EBF4: variants seen among roughly 807,000 people sequenced by gnomAD.
EBF4 encodes EBF transcription factor 4, also known as transcription factor COE4.
In EBF4, 34 loss-of-function variants were observed where a neutral mutation model predicts 67.1. That is an observed-to-expected ratio of 0.51 (90% confidence interval 0.39 to 0.67). The LOEUF (loss-of-function observed/expected upper bound fraction) is 0.67. EBF4 is among the 30% of genes least tolerant of loss of function. EBF4 has a pLI of 0.00. For missense variants in EBF4, 837 were observed against 873.3 expected (o/e 0.96, Z 0.52); for synonymous variants, 387 against 377.7 (o/e 1.02, Z -0.29).
intron 6 of EBF4, among the ~76,000 whole-genome samples, chr20:2,715,899 C>T (rs948033993): frequency 3.9e-5 from 6 of 152,100 alleles, no homozygotes; most frequent in Admixed American, 3.9e-4. Flanking sequence ...CAGGCGCACG[C>T]CATCACACCC....
intron 3 of EBF4, 42 bp from the exon 4 acceptor site, chr20:2,706,167 A>G: frequency 6.4e-7 from 1 of 1,551,474 alleles, no homozygotes; most frequent in Non-Finnish European, 8.7e-7. Context: ...GAGGCTGCAC[A>G]TGCTCCCCCA....
rs1340761063 is a variant in EBF4 at position 2,756,512 on chromosome 20, T to A, written c.1738+688T>A. 1.3e-5 allele frequency among the ~76,000 whole-genome samples: 2 copies of A among 152,190 alleles called. No individual in the cohort carries two copies. Among genetic ancestry groups the A allele is most frequent in the Non-Finnish European group, 2.9e-5 (2 of 68,026 alleles). On this transcript the variant is annotated intron_variant, in intron 15 of 16. Transcript: ENST00000609451. The surrounding 1 kb of genome is among the most constrained non-coding windows in gnomAD (Gnocchi z 4.5). ...GTGGGTGGGGCAGAACAGGTCCTTG[T>A]TGATGGGGATGGTGGGGGCCAGGGC... is the stretch of plus-strand genomic sequence containing the variant.
At position 2,756,683 on chromosome 20, in the gene EBF4, C is replaced by T. The variant is rs939061390; in HGVS notation, c.1738+859C>T. ...ATGAATATATGAGTCAGAAGGGCAC[C>T]GTTCACACCCACACAGAAGGCTGCA... On this transcript the variant is annotated intron_variant, in intron 15 of 16. Transcript: ENST00000609451. The surrounding 1 kb of genome is among the most constrained non-coding windows in gnomAD (Gnocchi z 4.5). 3.3e-5 allele frequency among the ~76,000 whole-genome samples: 5 copies of T among 152,272 alleles called. No individual in the cohort carries two copies. The highest frequency in any genetic ancestry group is 2.1e-4 in the South Asian group (1 of 4,824).
rs1568568088 is a variant in EBF4, at chr20:2,705,799, ACACACACACACAC to A, written c.294+67_294+79del. 3.7e-4 allele frequency: 411 copies of A among 1,112,840 alleles called. 1 individual carries two copies. The African/African-American group carries it at 8.9e-3, about 24-fold the overall frequency. The allele number at this position is 1,112,840 out of a possible 1,614,324, so 68.9% of individuals were successfully genotyped here. ...GGAACCCCCAACCACACACACACAC[ACACACACACACAC>A]ACACACACACACACACACACACACA... is the stretch of plus-strand genomic sequence containing the variant. On this transcript the variant is annotated intron_variant, in intron 2 of 16. Coordinates refer to ENST00000609451, the Ensembl canonical transcript of EBF4.
chr20:2,702,763 C>T (rs2087394584), intron 1 of EBF4, among the ~76,000 whole-genome samples: 1 of 152,132 alleles, frequency 6.6e-6, no homozygotes, highest in South Asian at 2.1e-4. Flanking sequence ...TCATGATGGG[C>T]ACCTGGACAA....
At chr20:2,736,972 G>A (rs770391795) in intron 6 of EBF4, among the ~76,000 whole-genome samples, 24 of 152,040 alleles carry the variant, frequency 1.6e-4, no homozygotes, top group South Asian at 1.0e-3. Context: ...GAAGAGGACC[G>A]GGCGCGGTGG....
At chr20:2,698,728 TC>T (rs1447722984) in intron 1 of EBF4, among the ~76,000 whole-genome samples, 1 of 151,938 alleles carries the variant, frequency 6.6e-6, no homozygotes, top group African/African-American at 2.4e-5. Context: ...ACAAAGAGCC[TC>T]CCCCCATTAC....
At chr20:2,706,122 C>A in intron 3 of EBF4, 85 bp downstream of exon 3, 1 of 1,548,922 alleles carries the variant, frequency 6.5e-7, no homozygotes, top group Non-Finnish European at 8.7e-7. Context: ...CCCCCTGTGC[C>A]AGGGCTGGGG....
At position 2,749,628 on chromosome 20, in the gene EBF4, C is replaced by A. The variant is rs1191410626; in HGVS notation, c.766C>A (p.Pro256Thr). The A allele has an allele frequency of 6.4e-7, 1 of 1,559,042 alleles. No homozygotes were observed. The highest frequency in any genetic ancestry group is 2.4e-5 in the East Asian group (1 of 41,494). ...CCTCTCCTGCCTCCCAGCTGCCACCCCCTGCATCAAGGCCATCAGCCCCGG... is the reference window on the plus strand; with the variant it reads ...CCTCTCCTGCCTCCCAGCTGCCACCACCTGCATCAAGGCCATCAGCCCCGG... The change falls in exon 9 of 17, where the codon CCC (proline) becomes ACC (threonine). Residue 256 changes from proline to threonine, a missense_variant. Physicochemically the swap from Pro to Thr is conservative, Grantham distance 38. This residue lies in a region of EBF4 where 226 missense variants were observed against 306.5 expected (regional missense o/e 0.74). Coordinates refer to ENST00000609451, the Ensembl canonical transcript of EBF4.
At chr20:2,695,615 T>C (rs1054218895) in intron 1 of EBF4, among the ~76,000 whole-genome samples, 1 of 152,182 alleles carries the variant, frequency 6.6e-6, no homozygotes, top group African/African-American at 2.4e-5. Context: ...TCAGCTGACT[T>C]TCCTCCCTGT....
rs994120388 is a variant in EBF4, at chr20:2,708,075, C to G, written c.488+55C>G. On this transcript the variant is annotated intron_variant, in intron 5 of 16. Transcript: ENST00000609451. ...CCCTCTGCCAAGGCGTTTCTGAGGACTCTACCCAGGCCCTGCCCCCTCGCC... is the reference window on the plus strand; with the variant it reads ...CCCTCTGCCAAGGCGTTTCTGAGGAGTCTACCCAGGCCCTGCCCCCTCGCC... 3 of 1,544,862 alleles carry G rather than the reference C, an allele frequency of 1.9e-6. No homozygotes were observed. In the African/African-American group the frequency reaches 4.1e-5, roughly 21 times the overall value.
chr20:2,715,343 G>A (rs553654863), intron 6 of EBF4, among the ~76,000 whole-genome samples: 28 of 152,276 alleles, frequency 1.8e-4, no homozygotes, highest in Admixed American at 1.3e-3. Flanking sequence ...TATCTATCTT[G>A]TTGTATTTAG....
chr20:2,727,398 CA>C (rs1286344938), intron 6 of EBF4, among the ~76,000 whole-genome samples: 2 of 152,172 alleles, frequency 1.3e-5, no homozygotes, highest in African/African-American at 4.8e-5. Flanking sequence ...ACACATGTAC[CA>C]AAAGCTGTGA....
chr20:2,752,062 C>T lies in EBF4; in HGVS notation c.1174-24C>T, dbSNP rs1039795553. On this transcript the variant is annotated intron_variant, in intron 12 of 16. Coordinates refer to ENST00000609451, the Ensembl canonical transcript of EBF4. ...ACGCGGCGCCCGCGGCTGCCCCGGCCGTGCCCCGCTCTTGTCTTCGCAGGA... is the reference window on the plus strand; with the variant it reads ...ACGCGGCGCCCGCGGCTGCCCCGGCTGTGCCCCGCTCTTGTCTTCGCAGGA... The T allele has an allele frequency of 1.5e-5, 22 of 1,455,752 alleles. No homozygotes were observed. The African/African-American group carries it at 3.0e-4, about 20-fold the overall frequency. 90.2% of individuals were successfully genotyped at this position (1,455,752 alleles called of 1,614,324 possible). A position where few individuals can be genotyped will look rare whatever the true frequency, so the allele number is the denominator to read the frequency against.
Position 2,739,871 on chromosome 20 carries a change from C to T in EBF4, c.558-8678C>T, listed in dbSNP as rs971882206. Reference sequence around the variant, plus strand: ...ATTTAATCTACCCTTCACTCTTAACCTGCTGTCTTTCCCAAGGCCTTCACA... The same window carrying T: ...ATTTAATCTACCCTTCACTCTTAACTTGCTGTCTTTCCCAAGGCCTTCACA... On this transcript the variant is annotated intron_variant, in intron 6 of 16. Transcript: ENST00000609451. This position sits in a 1 kb window ranked among gnomAD's most constrained non-coding sequence, Gnocchi z 4.5. Among the ~76,000 whole-genome samples the T allele has an allele frequency of 1.3e-5, 2 of 152,242 alleles. No individual in the cohort carries two copies. The highest frequency in any genetic ancestry group is 2.9e-5 in the Non-Finnish European group (2 of 68,046).
At chr20:2,749,953 C>G in exon 10 of EBF4, 1 of 1,551,194 alleles carries the variant, frequency 6.4e-7, no homozygotes, top group Non-Finnish European at 8.7e-7. Context: ...AAGGGATGCC[C>G]CGGCCGCTTT....
rs1270011209 is a variant in EBF4, at chr20:2,749,985, G to T, written c.1018+12G>T. On this transcript the variant is annotated intron_variant, in intron 10 of 16. Transcript: ENST00000609451. ...CTTTGTCTACACAGGTAAGGAGTCG[G>T]GCGGGGGAGTGGAGGTCTAAGGTGC... The T allele has an allele frequency of 6.5e-6, 10 of 1,545,558 alleles. No homozygotes were observed. The highest frequency in any genetic ancestry group is 2.0e-5 in the Admixed American group (1 of 50,398).
intron 6 of EBF4, among the ~76,000 whole-genome samples, chr20:2,727,606 G>A (rs2087762538): frequency 6.6e-6 from 1 of 152,178 alleles, no homozygotes; most frequent in African/African-American, 2.4e-5. Flanking sequence ...TGGAATTGCT[G>A]AATCAATGGT....
chr20:2,709,552 T>G, intron 5 of EBF4, 22 bp from the exon 6 acceptor site: 1 of 1,543,442 alleles, frequency 6.5e-7, no homozygotes, highest in Non-Finnish European at 8.8e-7. Context: ...CTGCCTTCCC[T>G]CCTTCCTCAT....
Sources: allele counts gnomAD v4.1 joint callset (sites outside exome capture counted in the v4.1 genomes callset), GRCh38; gene constraint gnomAD v4.1.1; regional missense constraint gnomAD v4.1.1; non-coding constraint Gnocchi (gnomAD v3.1); transcripts MANE v1.5; gene names NCBI Gene and HGNC (gene_info 2026-07-23, HGNC 2026-07-21).